Variants in COG5 observed in about 807,000 individuals in gnomAD.
The protein encoded by COG5 is conserved oligomeric Golgi complex subunit 5.
COG5 carries 86 observed loss-of-function variants against 110.4 expected under a neutral mutation model. That is an observed-to-expected ratio of 0.78 (90% CI 0.65 to 0.93). The LOEUF is 0.93. COG5 is among the 40% of genes least tolerant of loss of function. The pLI is 0.00. For synonymous variants in COG5, 360 were observed against 334.6 expected (o/e 1.08, Z -0.83); for missense variants, 1,077 against 987.0 (o/e 1.09, Z -1.22).
intron 6 of COG5, among the ~76,000 whole-genome samples, chr7:107,433,344 G>A (rs142198547): frequency 1.7e-3 from 255 of 152,170 alleles, no homozygotes; most frequent in African/African-American, 5.8e-3. Flanking sequence ...ACAGAAAAAC[G>A]CATCCTAAAA....
At chr7:107,281,448 A>G in intron 13 of COG5, 49 bp from the exon 14 acceptor site, 1 of 1,331,712 alleles carries the variant, frequency 7.5e-7, no homozygotes, top group Non-Finnish European at 1.1e-6. Context: ...TCATTCATCA[A>G]CAAAGTAAAG....
chr7:107,363,532 T>C (rs1046607718), intron 8 of COG5, among the ~76,000 whole-genome samples: 1 of 152,134 alleles, frequency 6.6e-6, no homozygotes, highest in Non-Finnish European at 1.5e-5. Flanking sequence ...ATGGAAATGC[T>C]CTTTACAAAA....
intron 12 of COG5, among the ~76,000 whole-genome samples, chr7:107,284,163 A>G (rs1405597384): frequency 1.3e-5 from 2 of 152,100 alleles, no homozygotes; most frequent in Non-Finnish European, 1.5e-5. Flanking sequence ...GACTCCAGTG[A>G]TCCACCCGCT....
intron 7 of COG5, among the ~76,000 whole-genome samples, chr7:107,385,474 G>A (rs1790118566): frequency 6.6e-6 from 1 of 152,178 alleles, no homozygotes. Flanking sequence ...ATTGATGGAT[G>A]AATGGATAAA....
chr7:107,288,642 G>C (rs1562952189), intron 12 of COG5, among the ~76,000 whole-genome samples: 1 of 151,628 alleles, frequency 6.6e-6, no homozygotes, highest in Admixed American at 6.6e-5. Flanking sequence ...CTTTTTAGTT[G>C]GGTAATTTGT....
At chr7:107,292,751 A>G (rs6965001) in intron 12 of COG5, among the ~76,000 whole-genome samples, 24,206 of 152,218 alleles carry the variant, frequency 0.16, 2,341 homozygotes, top group Non-Finnish European at 0.22. Flanking sequence ...AGAAGATAAG[A>G]GTAATCACCC....
At chr7:107,561,809 T>C (rs1368316916) in intron 1 of COG5, among the ~76,000 whole-genome samples, 3 of 152,144 alleles carry the variant, frequency 2.0e-5, no homozygotes, top group Non-Finnish European at 2.9e-5. Context: ...ACCCCGTCTC[T>C]ACTAAAAATA....
intron 6 of COG5, among the ~76,000 whole-genome samples, chr7:107,488,006 C>T (rs1203322351): frequency 6.6e-6 from 1 of 151,964 alleles, no homozygotes; most frequent in African/African-American, 2.4e-5. Flanking sequence ...CCTCAATTTT[C>T]TAGTTTTCAC....
chr7:107,390,405 T>A (rs117511216), intron 7 of COG5, among the ~76,000 whole-genome samples: 1 of 152,148 alleles, frequency 6.6e-6, no homozygotes, highest in East Asian at 1.9e-4. Flanking sequence ...TGCTTTGGAA[T>A]ATGTGGGGGA....
At chr7:107,300,669 A>C (rs1194980799) in intron 11 of COG5, among the ~76,000 whole-genome samples, 7 of 152,166 alleles carry the variant, frequency 4.6e-5, no homozygotes, top group Non-Finnish European at 8.8e-5. Flanking sequence ...GAGATGAAGA[A>C]GACCTATATA....
chr7:107,385,162 C>G (rs1222221146), intron 7 of COG5, among the ~76,000 whole-genome samples: 1 of 152,178 alleles, frequency 6.6e-6, no homozygotes, highest in Non-Finnish European at 1.5e-5. Context: ...GAGGCAGAGA[C>G]TGGAATGATA....
chr7:107,463,929 A>G (rs370260140), intron 6 of COG5, among the ~76,000 whole-genome samples: 1 of 152,102 alleles, frequency 6.6e-6, no homozygotes, highest in Admixed American at 6.6e-5. Flanking sequence ...CAGTGCCTTC[A>G]GCCTACCTTG....
At chr7:107,450,170 GA>G (rs1795249248) in intron 6 of COG5, 1 of 154,180 alleles carries the variant, frequency 6.5e-6, no homozygotes, top group Non-Finnish European at 1.5e-5. Context: ...GAAGAAAACT[GA>G]AATCAGCCAT....
At chr7:107,427,872 G>T (rs1044811605) in intron 6 of COG5, among the ~76,000 whole-genome samples, 3 of 152,112 alleles carry the variant, frequency 2.0e-5, no homozygotes, top group Non-Finnish European at 4.4e-5. Context: ...GTGTTATTAA[G>T]CAACAGGACA....
chr7:107,513,904 G>C (rs927672363), intron 6 of COG5, among the ~76,000 whole-genome samples: 3 of 151,940 alleles, frequency 2.0e-5, no homozygotes, highest in Non-Finnish European at 2.9e-5. Flanking sequence ...GTTGTGGGGT[G>C]GGGGAAGAGG....
intron 19 of COG5, among the ~76,000 whole-genome samples, chr7:107,216,198 T>C (rs1249430974): frequency 1.3e-5 from 2 of 152,192 alleles, no homozygotes; most frequent in African/African-American, 4.8e-5. Context: ...ATCAAGAGGA[T>C]ATAACAACTG....
At chr7:107,512,280 T>C (rs1412338737) in intron 6 of COG5, among the ~76,000 whole-genome samples, 1 of 152,038 alleles carries the variant, frequency 6.6e-6, no homozygotes, top group African/African-American at 2.4e-5. Context: ...AAATCATGAG[T>C]GAACTCCCAT....
At chr7:107,429,713 CG>C (rs910750039) in intron 6 of COG5, among the ~76,000 whole-genome samples, 1 of 152,050 alleles carries the variant, frequency 6.6e-6, no homozygotes, top group Non-Finnish European at 1.5e-5. Flanking sequence ...ATTATGGGGA[CG>C]GGTCTTTCCT....
At chr7:107,293,262 C>T (rs1806323212) in intron 12 of COG5, among the ~76,000 whole-genome samples, 1 of 152,136 alleles carries the variant, frequency 6.6e-6, no homozygotes, top group African/African-American at 2.4e-5. Context: ...ATGGGAGCTC[C>T]CTACTCCTGA....
Sources: allele counts gnomAD v4.1 joint callset (sites outside exome capture counted in the v4.1 genomes callset), GRCh38; gene constraint gnomAD v4.1.1; transcripts MANE v1.5; gene names NCBI Gene and HGNC (gene_info 2026-07-23, HGNC 2026-07-21).